NAT10: variants seen among roughly 807,000 people sequenced by gnomAD.
NAT10 encodes the protein N-acetyltransferase 10, also known as RNA cytidine acetyltransferase.
A neutral mutation model predicts 132.2 loss-of-function variants in NAT10; 109 were observed. The observed-to-expected ratio is 0.82, with a 90% CI of 0.71 to 0.97. The LOEUF (loss-of-function observed/expected upper bound fraction) is 0.97. Among genes scored for constraint, NAT10 ranks in the 50% least tolerant of loss-of-function variants. The pLI, the probability that NAT10 is intolerant of heterozygous loss-of-function variation, is 0.00. For synonymous variants in NAT10, 479 were observed against 478.0 expected (o/e 1.00, Z -0.03); for missense variants, 1,184 against 1,263.4 (o/e 0.94, Z 0.95).
At chr11:34,123,547 A>C (rs1345253746) in intron 9 of NAT10, among the ~76,000 whole-genome samples, 1 of 152,240 alleles carries the variant, frequency 6.6e-6, no homozygotes, top group African/African-American at 2.4e-5. Flanking sequence ...TTGTCTCCAC[A>C]GTGCTTCTAA....
intron 3 of NAT10, among the ~76,000 whole-genome samples, chr11:34,111,842 C>T (rs921448355): frequency 1.8e-4 from 28 of 152,348 alleles, no homozygotes; most frequent in African/African-American, 6.3e-4. Flanking sequence ...AGAGTTCACA[C>T]ATAGACTTAT....
In NAT10 at chr11:34,136,733, A is replaced by G. The variant is rs1852222209; in HGVS notation, c.2120A>G (p.Asp707Gly). Reference protein sequence around the residue: ...KLNERPAERLDYLGVSYGLTP... With the variant: ...KLNERPAERLGYLGVSYGLTP... The stretch of plus-strand genomic sequence containing the variant: ...AATGAGAGGCCTGCCGAACGCCTGG[A>G]TTACCTGGGTGTTTCCTATGGCTTG... The change falls in exon 20 of 29, where the codon GAT becomes GGT. Residue 707 changes from aspartate (D) to glycine (G), a missense_variant. By Grantham distance (94) the Asp-to-Gly change is moderately conservative (BLOSUM62 -1). Coordinates refer to ENST00000257829, the MANE Select transcript of NAT10 (RefSeq NM_024662.3). 6.2e-7 allele frequency: 1 copy of G among 1,614,076 alleles called. No homozygotes were observed. The highest frequency in any genetic ancestry group is 2.2e-5 in the East Asian group (1 of 44,872).
intron 8 of NAT10, among the ~76,000 whole-genome samples, chr11:34,119,045 T>G (rs1361698857): frequency 1.3e-5 from 2 of 152,240 alleles, no homozygotes; most frequent in Non-Finnish European, 2.9e-5. Context: ...GAGGAGAACT[T>G]GAGGCCCCTA....
chr11:34,123,687 A>AG, intron 9 of NAT10, 75 bp from the exon 10 acceptor site: 1 of 1,226,248 alleles, frequency 8.2e-7, no homozygotes, highest in Non-Finnish European at 1.2e-6. Flanking sequence ...GCAAACAAAA[A>AG]TATTTTCTTT....
At chr11:34,122,007 C>G (rs2132950267) in intron 8 of NAT10, among the ~76,000 whole-genome samples, 1 of 151,914 alleles carries the variant, frequency 6.6e-6, no homozygotes, top group East Asian at 1.9e-4. Context: ...GAAACCCTGT[C>G]TCTACTAAAA....
intron 3 of NAT10, among the ~76,000 whole-genome samples, chr11:34,111,089 G>A (rs1472219970): frequency 6.6e-6 from 1 of 152,228 alleles, no homozygotes; most frequent in African/African-American, 2.4e-5. Context: ...TATGAGATGG[G>A]TGTGGAATTA....
chr11:34,111,197 C>T (rs1851688148), intron 3 of NAT10, among the ~76,000 whole-genome samples: 1 of 147,174 alleles, frequency 6.8e-6, no homozygotes, highest in Non-Finnish European at 1.5e-5. Flanking sequence ...AGCTCTTCTG[C>T]CCCACCCCTG....
At chr11:34,111,787 T>G (rs2134153830) in intron 3 of NAT10, among the ~76,000 whole-genome samples, 1 of 152,360 alleles carries the variant, frequency 6.6e-6, no homozygotes, top group Non-Finnish European at 1.5e-5. Context: ...CTATTACCCA[T>G]CTTTTAAAGC....
chr11:34,110,559 C>CTTTTTTTTTTTTTT (rs948109196), intron 3 of NAT10, among the ~76,000 whole-genome samples: 58 of 101,706 alleles, frequency 5.7e-4, no homozygotes, highest in Non-Finnish European at 7.9e-4. Flanking sequence ...TTTTCTTTCC[C>CTTTTTTTTTTTTTT]TTTTTTTTTT....
rs771284540 is a variant in NAT10 at position 34,140,557 on chromosome 11, G to A, written c.2577G>A (p.Leu859=). The change falls in exon 24 of 29, where the codon CTG becomes CTA. Residue 859 remains leucine (L), a synonymous_variant. Transcript: ENST00000257829. ...YFLNQLGDLA[L]SAAQSALLLG... is the part of the protein sequence containing the mutation. Reference sequence around the variant, plus strand: ...TGAACCAGCTGGGGGACCTGGCCCTGTCTGCGGCTCAGTCGGTATGCTATC... The same window carrying A: ...TGAACCAGCTGGGGGACCTGGCCCTATCTGCGGCTCAGTCGGTATGCTATC... 1 of 1,614,096 alleles carries A rather than the reference G, an allele frequency of 6.2e-7. No homozygotes were observed. Among genetic ancestry groups the A allele is most frequent in the Non-Finnish European group, 8.5e-7 (1 of 1,179,958 alleles).
chr11:34,123,950 A>T (rs1851940515), intron 10 of NAT10, 95 bp downstream of exon 10: 2 of 950,712 alleles, frequency 2.1e-6, no homozygotes, highest in Middle Eastern at 2.4e-4. Context: ...CGGGCGGATC[A>T]CCTGAGGTCG....
chr11:34,143,294 C>G lies in NAT10; in HGVS notation c.2886-151C>G, dbSNP rs1852374147. ...TGGCCCTCCTGCATGCTTGTCCCCT[C>G]TGTCCTTTCTGCTGTTCAAATGCTG... On this transcript the variant is annotated intron_variant, in intron 27 of 28. Coordinates refer to ENST00000257829, the MANE Select transcript of NAT10 (RefSeq NM_024662.3). 5 of 652,410 alleles carry G rather than the reference C, an allele frequency of 7.7e-6. No homozygotes were observed. The East Asian group carries it at 1.4e-4, about 19-fold the overall frequency. The allele number at this position is 652,410 out of a possible 1,614,324, so 40.4% of individuals were successfully genotyped here. A position where few individuals can be genotyped will look rare whatever the true frequency, so the allele number is the denominator to read the frequency against.
chr11:34,126,417 A>T (rs1025866207), intron 11 of NAT10, among the ~76,000 whole-genome samples: 1 of 152,210 alleles, frequency 6.6e-6, no homozygotes, highest in Non-Finnish European at 1.5e-5. Context: ...TGTTTTCAAG[A>T]TCTATGCAGA....
intron 9 of NAT10, among the ~76,000 whole-genome samples, chr11:34,123,260 C>T (rs1022584836): frequency 1.3e-5 from 2 of 152,364 alleles, no homozygotes; most frequent in Admixed American, 6.5e-5. Context: ...AGAGCTGGGG[C>T]TTGAGCTTAG....
At chr11:34,121,858 CAAAAAAAAAAA>C (rs34304264) in intron 8 of NAT10, among the ~76,000 whole-genome samples, 1 of 36,830 alleles carries the variant, frequency 2.7e-5, no homozygotes, top group Admixed American at 4.1e-4. Context: ...GACTCTGTCT[CAAAAAAAAAAA>C]AAAAAAAAAA....
intron 21 of NAT10, among the ~76,000 whole-genome samples, 170 bp downstream of exon 21, chr11:34,137,196 A>G (rs1310897017): frequency 2.0e-5 from 3 of 152,356 alleles, no homozygotes; most frequent in East Asian, 3.9e-4. Context: ...CCTCAGTGAC[A>G]GGCCACATCA....
At chr11:34,140,709 T>C in intron 24 of NAT10, 137 bp downstream of exon 24, 1 of 1,040,524 alleles carries the variant, frequency 9.6e-7, no homozygotes, top group Non-Finnish European at 1.4e-6. Flanking sequence ...AGTGGCATCC[T>C]CATTCTACAG....
intron 18 of NAT10, 53 bp from the exon 19 acceptor site, chr11:34,135,122 G>A (rs1565116994): frequency 2.8e-6 from 4 of 1,448,752 alleles, no homozygotes; most frequent in East Asian, 4.5e-5. Flanking sequence ...CTGTGGCTTA[G>A]ACTGAGAGCA....
At chr11:34,112,956 C>A (rs1851721480) in intron 4 of NAT10, among the ~76,000 whole-genome samples, 1 of 152,186 alleles carries the variant, frequency 6.6e-6, no homozygotes, top group Admixed American at 6.5e-5. Context: ...ACAACTGTGC[C>A]CATTATTATG....
Sources: gnomAD v4.1 joint callset for allele counts (sites outside exome capture counted in the v4.1 genomes callset) on GRCh38, gnomAD v4.1.1 for gene constraint, MANE v1.5 for transcripts, NCBI Gene and HGNC (gene_info 2026-07-23, HGNC 2026-07-21) for gene names.